The following HDAC4 variants were observed in gnomAD, a reference collection of about 807,000 sequenced individuals.
HDAC4 encodes histone deacetylase 4.
In HDAC4, 16 loss-of-function variants were observed where a neutral mutation model predicts 135.1. That is an observed-to-expected ratio of 0.12 (90% confidence interval 0.08 to 0.18). The LOEUF (loss-of-function observed/expected upper bound fraction) is 0.18, where lower values mean the gene tolerates loss of function less well. Among genes scored for constraint, HDAC4 ranks in the 10% least tolerant of loss-of-function variants. The pLI, the probability that HDAC4 is intolerant of heterozygous loss-of-function variation, is 1.00. For synonymous variants in HDAC4, 685 were observed against 653.4 expected, an observed-to-expected ratio of 1.05 and a Z score of -0.74; for missense variants, 1,143 against 1,511.8, an observed-to-expected ratio of 0.76 and a Z score of 4.05.
At chr2:239,377,329 C>T (rs867170439) in intron 1 of HDAC4, among the ~76,000 whole-genome samples, 2 of 152,248 alleles carry the variant, frequency 1.3e-5, no homozygotes, top group South Asian at 2.1e-4. Flanking sequence ...ACGTGTGCCT[C>T]TGGAGGCCCC....
intron 22 of HDAC4, among the ~76,000 whole-genome samples, chr2:239,072,170 T>C (rs1444265181): frequency 6.6e-6 from 1 of 152,266 alleles, no homozygotes; most frequent in Non-Finnish European, 1.5e-5. Flanking sequence ...CACGTTGCTC[T>C]GAGAAGGGCT....
chr2:239,390,992 A>C (rs914434827), intron 1 of HDAC4, among the ~76,000 whole-genome samples: 19 of 152,240 alleles, frequency 1.2e-4, no homozygotes, highest in Admixed American at 1.2e-3. Context: ...CTCCCAGCAC[A>C]CTGGGAAGCA....
intron 1 of HDAC4, among the ~76,000 whole-genome samples, chr2:239,367,561 GA>G (rs1163068795): frequency 6.6e-6 from 1 of 152,132 alleles, no homozygotes; most frequent in Non-Finnish European, 1.5e-5. Flanking sequence ...GCACCAACAT[GA>G]AAACCCAAGT....
chr2:239,399,006 G>C (rs1696754863), intron 1 of HDAC4, among the ~76,000 whole-genome samples: 1 of 152,242 alleles, frequency 6.6e-6, no homozygotes, highest in South Asian at 2.1e-4. Context: ...GAAAGCTATA[G>C]AAGTCTTACA....
intron 2 of HDAC4, among the ~76,000 whole-genome samples, chr2:239,265,842 A>C (rs1203966581): frequency 6.6e-6 from 1 of 152,188 alleles, no homozygotes; most frequent in Non-Finnish European, 1.5e-5. Context: ...CTGGGGGTGA[A>C]TGGGAATGCG....
chr2:239,134,271 G>A lies in HDAC4; in HGVS notation c.1268C>T (p.Pro423Leu), dbSNP rs1347559931. 1.2e-6 allele frequency: 2 copies of A among 1,612,536 alleles called. No individual in the cohort carries two copies. The highest frequency in any genetic ancestry group is 2.2e-5 in the East Asian group (1 of 44,892). ...LLQHMVLLEQ[P>L]PAQAPLVTDW... is the part of the protein sequence containing the mutation. The stretch of plus-strand genomic sequence containing the variant: ...TGTGACGAGGGGTGCTTGTGCCGGC[G>A]GCTGCTCCAGTAAGACCATGTGCTG... The change falls in exon 11 of 27, where the codon CCG (proline) becomes CTG (leucine). Residue 423 changes from proline (P) to leucine (L), a missense_variant. Transcript: ENST00000543185.
intron 3 of HDAC4, among the ~76,000 whole-genome samples, chr2:239,236,367 C>T (rs1443802663): frequency 6.6e-6 from 1 of 151,914 alleles, no homozygotes; most frequent in African/African-American, 2.4e-5. Flanking sequence ...AGAAAAAAAA[C>T]AACAAAAAAT....
At chr2:239,164,083 G>A (rs761115027) in intron 5 of HDAC4, among the ~76,000 whole-genome samples, 160 bp from the exon 6 acceptor site, 41 of 152,176 alleles carry the variant, frequency 2.7e-4, no homozygotes, top group Non-Finnish European at 5.4e-4. Flanking sequence ...CCAAGGCCGG[G>A]AGGGGTTTTA....
chr2:239,185,982 T>C (rs1462411978), intron 4 of HDAC4, among the ~76,000 whole-genome samples: 2 of 152,000 alleles, frequency 1.3e-5, no homozygotes, highest in African/African-American at 4.8e-5. Flanking sequence ...TGAAGTGAAC[T>C]GAGATGGCAC....
chr2:239,247,161 G>A (rs1169982173), intron 2 of HDAC4, among the ~76,000 whole-genome samples: 11 of 152,220 alleles, frequency 7.2e-5, no homozygotes, highest in Non-Finnish European at 1.2e-4. Flanking sequence ...GCGCTCCCTC[G>A]CTGCCGGGCC....
At chr2:239,358,427 GCTTA>G (rs1693653863) in intron 1 of HDAC4, among the ~76,000 whole-genome samples, 1 of 152,176 alleles carries the variant, frequency 6.6e-6, no homozygotes, top group African/African-American at 2.4e-5. Flanking sequence ...TTGAGCATTT[GCTTA>G]CTTTCTGATT....
chr2:239,190,274 C>A (rs2044844299), intron 3 of HDAC4, among the ~76,000 whole-genome samples, 197 bp from the exon 4 acceptor site: 1 of 152,014 alleles, frequency 6.6e-6, no homozygotes, highest in Non-Finnish European at 1.5e-5. Flanking sequence ...GCCTCTGGGG[C>A]CCATTCCTCA....
intron 8 of HDAC4, among the ~76,000 whole-genome samples, chr2:239,144,106 G>A (rs2041595303): frequency 6.6e-6 from 1 of 152,198 alleles, no homozygotes; most frequent in African/African-American, 2.4e-5. Context: ...CCAAGCTGAA[G>A]CAACTTCACT....
intron 2 of HDAC4, among the ~76,000 whole-genome samples, chr2:239,314,027 C>T (rs1007656500): frequency 2.6e-5 from 4 of 152,068 alleles, no homozygotes; most frequent in African/African-American, 9.7e-5. Context: ...GGGGTCAAAT[C>T]GAGAGAGGAC....
intron 24 of HDAC4, among the ~76,000 whole-genome samples, chr2:239,064,978 C>T (rs1016346944): frequency 6.6e-6 from 1 of 152,212 alleles, no homozygotes; most frequent in African/African-American, 2.4e-5. Flanking sequence ...ACCCCGCGAG[C>T]GCCGTGCTTA....
chr2:239,121,015 T>TG (rs71043173), intron 12 of HDAC4, among the ~76,000 whole-genome samples: 1 of 136,648 alleles, frequency 7.3e-6, no homozygotes, highest in Non-Finnish European at 1.6e-5. Flanking sequence ...TTTTTTTTTT[T>TG]GAGACAGGGT....
intron 2 of HDAC4, among the ~76,000 whole-genome samples, chr2:239,270,428 GAC>G (rs1359576596): frequency 6.6e-6 from 1 of 152,180 alleles, no homozygotes; most frequent in Non-Finnish European, 1.5e-5. Flanking sequence ...TTCATGGTGA[GAC>G]ACAGTGAAGC....
At chr2:239,380,289 C>T (rs1165028426) in intron 1 of HDAC4, among the ~76,000 whole-genome samples, 1 of 152,222 alleles carries the variant, frequency 6.6e-6, no homozygotes, top group African/African-American at 2.4e-5. Context: ...TCCGTGCACA[C>T]ATTTAACTTC....
At chr2:239,196,237 CTTTA>C (rs1482356196) in intron 3 of HDAC4, among the ~76,000 whole-genome samples, 3 of 152,102 alleles carry the variant, frequency 2.0e-5, no homozygotes, top group Non-Finnish European at 2.9e-5. Flanking sequence ...GTCCTTCACC[CTTTA>C]TTTATTGTGC....
Sources: allele counts gnomAD v4.1 joint callset (sites outside exome capture counted in the v4.1 genomes callset), GRCh38; gene constraint gnomAD v4.1.1; transcripts MANE v1.5; gene names NCBI Gene and HGNC (gene_info 2026-07-23, HGNC 2026-07-21).